AFF1: variants seen among roughly 807,000 people sequenced by gnomAD.
AFF1 encodes the protein AF4/FMR2 family member 1.
Under a neutral mutation model 121.7 loss-of-function variants are expected in AFF1, and 48 were observed. The observed-to-expected ratio is 0.39, with a 90% CI of 0.31 to 0.50. The LOEUF (loss-of-function observed/expected upper bound fraction) is 0.50, where lower values mean the gene tolerates loss of function less well. Among genes scored for constraint, AFF1 ranks in the 20% least tolerant of loss-of-function variants. AFF1 has a pLI of 0.76. For synonymous variants in AFF1, 613 were observed against 563.0 expected, an observed-to-expected ratio of 1.09 and a Z score of -1.26; for missense variants, 1,523 against 1,511.7, an observed-to-expected ratio of 1.01 and a Z score of -0.12.
At chr4:86,984,036 CA>C (rs918906132) in intron 2 of AFF1, among the ~76,000 whole-genome samples, 1 of 148,676 alleles carries the variant, frequency 6.7e-6, no homozygotes, top group South Asian at 2.1e-4. Flanking sequence ...GACTCCATCT[CA>C]AAAAAAAAGA....
intron 4 of AFF1, among the ~76,000 whole-genome samples, chr4:87,064,003 T>A (rs939050489): frequency 1.3e-5 from 2 of 152,220 alleles, no homozygotes; most frequent in Admixed American, 6.5e-5. Flanking sequence ...TAGTCAAGTT[T>A]TTAAATGTTA....
intron 2 of AFF1, among the ~76,000 whole-genome samples, chr4:87,016,292 A>G (rs1727290192): frequency 6.6e-6 from 1 of 152,074 alleles, no homozygotes; most frequent in Non-Finnish European, 1.5e-5. Flanking sequence ...TTTTATGGGT[A>G]TTTCTTCCCA....
At position 87,046,800 on chromosome 4, in the gene AFF1, G is replaced by A; in HGVS notation, c.265G>A (p.Ala89Thr). Residue 89 changes from alanine (A) to threonine (T), a missense_variant, in exon 4 of 21, where the codon GCT becomes ACT. By Grantham distance (58) the Ala-to-Thr change is moderately conservative. Transcript: ENST00000395146. Reference sequence around the variant, plus strand: ...TAAGTCTCACACTCATCGCCTGGATGCTTCTGAAAATAGGTTGGGAAAGCC... The same window carrying A: ...TAAGTCTCACACTCATCGCCTGGATACTTCTGAAAATAGGTTGGGAAAGCC... ...STKSHTHRLD[A>T]SENRLGKPKY... 6.2e-7 allele frequency: 1 copy of A among 1,614,188 alleles called. No individual in the cohort carries two copies. The highest frequency in any genetic ancestry group is 1.1e-5 in the South Asian group (1 of 91,072).
At chr4:86,997,399 AC>A (rs1237229404) in intron 2 of AFF1, among the ~76,000 whole-genome samples, 1 of 152,172 alleles carries the variant, frequency 6.6e-6, no homozygotes, top group Non-Finnish European at 1.5e-5. Context: ...AAAATAAATT[AC>A]CCAGTTTCAG....
At chr4:87,031,251 C>T (rs1179252194) in intron 2 of AFF1, among the ~76,000 whole-genome samples, 2 of 152,184 alleles carry the variant, frequency 1.3e-5, no homozygotes, top group African/African-American at 4.8e-5. Flanking sequence ...CCCCTACAAA[C>T]TTAAGTGCTG....
intron 2 of AFF1, among the ~76,000 whole-genome samples, chr4:87,002,532 A>G (rs978146929): frequency 1.4e-5 from 2 of 147,508 alleles, no homozygotes; most frequent in Non-Finnish European, 3.0e-5. Flanking sequence ...CCCAGGTTCA[A>G]GTAATTCTTC....
At chr4:87,085,884 G>A (rs567345088) in intron 5 of AFF1, among the ~76,000 whole-genome samples, 1 of 151,950 alleles carries the variant, frequency 6.6e-6, no homozygotes, top group African/African-American at 2.4e-5. Flanking sequence ...GATTACAGGT[G>A]TGCGCCAGTA....
At chr4:87,129,030 A>G (rs1311283727) in intron 16 of AFF1, among the ~76,000 whole-genome samples, 1 of 152,234 alleles carries the variant, frequency 6.6e-6, no homozygotes, top group Non-Finnish European at 1.5e-5. Context: ...TTCATACTCT[A>G]GGGAACTTTG....
intron 7 of AFF1, among the ~76,000 whole-genome samples, chr4:87,092,761 A>G (rs545344325): frequency 9.8e-5 from 15 of 152,360 alleles, no homozygotes; most frequent in Non-Finnish European, 2.2e-4. Context: ...CAAAATGCAG[A>G]TAAATAAACC....
intron 2 of AFF1, among the ~76,000 whole-genome samples, chr4:86,995,022 C>T (rs771068477): frequency 1.5e-4 from 23 of 152,080 alleles, no homozygotes; most frequent in Admixed American, 1.4e-3. Context: ...AGGTGGATCA[C>T]CTGAGTCCAG....
intron 1 of AFF1, among the ~76,000 whole-genome samples, chr4:86,938,777 A>G (rs1014260222): frequency 3.3e-5 from 5 of 152,244 alleles, no homozygotes; most frequent in African/African-American, 1.2e-4. Context: ...TGGACAACAG[A>G]TTGTTATAGA....
intron 2 of AFF1, among the ~76,000 whole-genome samples, chr4:87,013,032 C>CTTTTTTTTTTTTTTTTTTTG (rs1726944256): frequency 1.1e-5 from 1 of 93,514 alleles, no homozygotes; most frequent in Non-Finnish European, 2.0e-5. Context: ...CTATCAAGTT[C>CTTTTTTTTTTTTTTTTTTTG]TTTTTTTTTT....
chr4:86,952,012 A>G (rs1992876), intron 2 of AFF1, among the ~76,000 whole-genome samples: 25,736 of 150,524 alleles, frequency 0.17, 2,312 homozygotes, highest in Middle Eastern at 0.22. Flanking sequence ...TACAAATGCT[A>G]TGTCTAAATT....
chr4:86,957,777 G>A (rs1009153282), intron 2 of AFF1, among the ~76,000 whole-genome samples: 14 of 151,874 alleles, frequency 9.2e-5, no homozygotes, highest in African/African-American at 3.1e-4. Context: ...CCTGACCTCA[G>A]GTGATCCTCC....
At chr4:86,950,026 G>T in intron 2 of AFF1, 1 of 1,614,064 alleles carries the variant, frequency 6.2e-7, no homozygotes. Flanking sequence ...GCTGAGCTCC[G>T]TAGGTAGGGG....
intron 8 of AFF1, among the ~76,000 whole-genome samples, chr4:87,095,876 C>T (rs1724785262): frequency 6.6e-6 from 1 of 152,118 alleles, no homozygotes. Context: ...AGTATCTGAT[C>T]TGTCACTAAC....
intron 4 of AFF1, among the ~76,000 whole-genome samples, chr4:87,083,069 C>G (rs1199466377): frequency 6.6e-6 from 1 of 152,184 alleles, no homozygotes; most frequent in East Asian, 1.9e-4. Context: ...TGAATTGACA[C>G]AGAGCAAGTT....
chr4:86,978,858 AC>A (rs774480745), intron 2 of AFF1, among the ~76,000 whole-genome samples: 1 of 152,004 alleles, frequency 6.6e-6, no homozygotes, highest in Non-Finnish European at 1.5e-5. Context: ...TGCTTTTCCC[AC>A]CATAATTTTC....
intron 6 of AFF1, 77 bp downstream of exon 6, chr4:87,090,147 T>TA (rs1369734940): frequency 2.5e-6 from 3 of 1,186,130 alleles, no homozygotes; most frequent in Non-Finnish European, 3.7e-6. Context: ...GGCAGATTGA[T>TA]AAAGTATTAC....
Sources: gnomAD v4.1 joint callset for allele counts (sites outside exome capture counted in the v4.1 genomes callset) on GRCh38, gnomAD v4.1.1 for gene constraint, MANE v1.5 for transcripts, NCBI Gene and HGNC (gene_info 2026-07-23, HGNC 2026-07-21) for gene names.